PTPA: variants seen among roughly 807,000 people sequenced by gnomAD.
The protein encoded by PTPA is protein phosphatase 2 phosphatase activator.
PTPA carries 13 observed loss-of-function variants against 43.6 expected under a neutral mutation model. That is an observed-to-expected ratio of 0.30 (90% confidence interval 0.19 to 0.47). The LOEUF (loss-of-function observed/expected upper bound fraction) is 0.47. Ranked by LOEUF, PTPA falls within the 20% of genes least tolerant of loss-of-function variation. The pLI, the probability that PTPA is intolerant of heterozygous loss-of-function variation, is 0.99. For missense variants in PTPA, 329 were observed against 411.9 expected, an observed-to-expected ratio of 0.80 and a Z score of 1.74; for synonymous variants, 172 against 158.2, an observed-to-expected ratio of 1.09 and a Z score of -0.66.
chr9:129,125,038 C>T (rs1284731190), intron 3 of PTPA, among the ~76,000 whole-genome samples: 1 of 152,158 alleles, frequency 6.6e-6, no homozygotes, highest in African/African-American at 2.4e-5. Context: ...TGGGCTCACT[C>T]AGTCCTTTGG....
intron 4 of PTPA, among the ~76,000 whole-genome samples, chr9:129,129,788 A>G (rs1252621179): frequency 2.0e-5 from 3 of 152,248 alleles, no homozygotes; most frequent in East Asian, 1.9e-4. Context: ...AATTTTTTTC[A>G]TAGCTGGGCA....
chr9:129,126,249 A>G (rs1352523471), intron 3 of PTPA, among the ~76,000 whole-genome samples: 1 of 151,790 alleles, frequency 6.6e-6, no homozygotes, highest in Non-Finnish European at 1.5e-5. Context: ...GCTGGAGTTC[A>G]ATGGTACGAT....
intron 5 of PTPA, 76 bp from the exon 6 acceptor site, chr9:129,134,719 T>A: frequency 8.3e-7 from 1 of 1,211,742 alleles, no homozygotes; most frequent in Non-Finnish European, 1.2e-6. Flanking sequence ...TATCAATGAT[T>A]CGGATTCTGG....
In PTPA at chr9:129,147,773, G is replaced by A. The variant is rs914316099; in HGVS notation, c.*309G>A. 1.4e-5 allele frequency: 5 copies of A among 367,266 alleles called. No homozygotes were observed. The highest frequency in any genetic ancestry group is 8.7e-4 in the Middle Eastern group (1 of 1,144). The allele number at this position is 367,266 out of a possible 1,614,324, so 22.8% of individuals were successfully genotyped here. On this transcript the variant is annotated 3_prime_UTR_variant, in exon 10 of 10. Transcript: ENST00000393370. The stretch of plus-strand genomic sequence containing the variant: ...TCTGGCCTCTTCTCCCTTCACTCCC[G>A]TCCAGTCTGGTTTTGAGAGCAGGGG...
Position 129,117,364 on chromosome 9 carries a change from A to T in PTPA, c.32-3149A>T, listed in dbSNP as rs530287494. ...GCCTGGCCTAGATTTTATTCATTTT[A>T]TAAGCTATGAAAATTTTTATTATGT... On this transcript the variant is annotated intron_variant, in intron 1 of 9. Transcript: ENST00000393370. Among the ~76,000 whole-genome samples, 18 of 152,064 alleles carry T rather than the reference A, an allele frequency of 1.2e-4. No individual in the cohort carries two copies. In the South Asian group the frequency reaches 3.7e-3, roughly 31 times the overall value.
At chr9:129,141,361 G>A (rs971879765) in intron 8 of PTPA, among the ~76,000 whole-genome samples, 2 of 151,988 alleles carry the variant, frequency 1.3e-5, no homozygotes, top group South Asian at 2.1e-4. Context: ...CCTGACACCC[G>A]CATGTTTCTA....
At chr9:129,130,612 C>T (rs1474283102) in intron 4 of PTPA, among the ~76,000 whole-genome samples, 3 of 152,186 alleles carry the variant, frequency 2.0e-5, no homozygotes, top group South Asian at 2.1e-4. Flanking sequence ...AGGCTGATCT[C>T]GAAATCCTGG....
At chr9:129,146,085 T>A (rs781759253) in intron 9 of PTPA, among the ~76,000 whole-genome samples, 1 of 148,758 alleles carries the variant, frequency 6.7e-6, no homozygotes, top group Non-Finnish European at 1.5e-5. Flanking sequence ...TTTGACCCCT[T>A]CTGGAATTCC....
At chr9:129,128,194 A>G (rs567812084) in intron 3 of PTPA, 4 of 460,080 alleles carry the variant, frequency 8.7e-6, no homozygotes, top group African/African-American at 4.1e-5. Context: ...CCACCATGCT[A>G]AACCATGTAA....
chr9:129,143,029 C>T (rs1252004478), intron 9 of PTPA: 4 of 955,602 alleles, frequency 4.2e-6, no homozygotes, highest in Non-Finnish European at 4.5e-6. Flanking sequence ...CGAGAATTGG[C>T]ATTTTTATGG....
intron 5 of PTPA, among the ~76,000 whole-genome samples, chr9:129,132,422 C>T (rs997950409): frequency 6.6e-5 from 10 of 152,092 alleles, no homozygotes; most frequent in Non-Finnish European, 1.5e-4. Flanking sequence ...CTTGACCTCC[C>T]GGGCCCAAGT....
At chr9:129,111,281 C>A (rs1848450712), upstream of PTPA, 5 of 1,210,600 alleles carry the variant, frequency 4.1e-6, no homozygotes, top group South Asian at 5.5e-5. Context: ...TTCGGGCGGC[C>A]GTGAGCGGTC....
chr9:129,140,600 C>T (rs1270692513), intron 8 of PTPA, among the ~76,000 whole-genome samples: 1 of 152,218 alleles, frequency 6.6e-6, no homozygotes, highest in Non-Finnish European at 1.5e-5. Context: ...CATCTGCCTG[C>T]CTTTGCCTCG....
In PTPA at chr9:129,127,862, CCAAA is replaced by C. The variant is rs1171063736; in HGVS notation, c.217-1120_217-1117del. On this transcript the variant is annotated intron_variant, in intron 3 of 9. Coordinates refer to ENST00000393370, the MANE Select transcript of PTPA (RefSeq NM_178000.3). ...AGGTAGTGAAACAGGTGGAAATAACCCAAACATTTAACAGTGAGGAATTAAATTA... is the reference window on the plus strand; with the variant it reads ...AGGTAGTGAAACAGGTGGAAATAACCCATTTAACAGTGAGGAATTAAATTA... 6 of 794,280 alleles carry C rather than the reference CCAAA, an allele frequency of 7.6e-6. No homozygotes were observed. In the East Asian group the frequency reaches 3.9e-4, roughly 52 times the overall value. The allele number at this position is 794,280 out of a possible 1,614,324, so 49.2% of individuals were successfully genotyped here. A position where few individuals can be genotyped will look rare whatever the true frequency, so the allele number is the denominator to read the frequency against.
chr9:129,111,429 C>T lies in PTPA; in HGVS notation c.-172C>T. 1.6e-6 allele frequency: 2 copies of T among 1,250,874 alleles called. No individual in the cohort carries two copies. The highest frequency in any genetic ancestry group is 3.2e-5 in the East Asian group (1 of 31,652). The allele number at this position is 1,250,874 out of a possible 1,614,324, so 77.5% of individuals were successfully genotyped here. A position where few individuals can be genotyped will look rare whatever the true frequency, so the allele number is the denominator to read the frequency against. ...GAGCGCCCCGCACCGACATGGCGGC[C>T]GTCTTCGCTGTGGTGACTTTAACTC... On this transcript the variant is annotated 5_prime_UTR_variant, in exon 1 of 10. Transcript: ENST00000393370.
At position 129,148,270 on chromosome 9, in the gene PTPA, T is replaced by G. The variant is rs1002653735; in HGVS notation, c.*806T>G. On this transcript the variant is annotated 3_prime_UTR_variant, in exon 10 of 10. Transcript: ENST00000393370. ...GGGGTGAGGCATGTCTTTCCAGAAC[T>G]TTCCCTGGCAGGGAGGGGATGGCAG... 1 of 152,432 alleles carries G rather than the reference T, an allele frequency of 6.6e-6. No individual in the cohort carries two copies. The highest frequency in any genetic ancestry group is 1.5e-5 in the Non-Finnish European group (1 of 68,184). 9.4% of individuals were successfully genotyped at this position (152,432 alleles called of 1,614,324 possible).
At chr9:129,116,121 A>G (rs1271635504) in intron 1 of PTPA, among the ~76,000 whole-genome samples, 2 of 142,768 alleles carry the variant, frequency 1.4e-5, no homozygotes, top group African/African-American at 2.6e-5. Context: ...CCTGGGTTCA[A>G]GCGATTCTGC....
At position 129,111,575 on chromosome 9, in the gene PTPA, C is replaced by T. The variant is rs552566278; in HGVS notation, c.-26C>T. ...AAAGGCGAGAGGGGACTGCAAGCAT[C>T]CGGGTCGGCTCCTGGCCGGAGCAAG... is the stretch of plus-strand genomic sequence containing the variant. On this transcript the variant is annotated 5_prime_UTR_variant, in exon 1 of 10. Transcript: ENST00000393370. 1.7e-5 allele frequency: 22 copies of T among 1,292,384 alleles called. No individual in the cohort carries two copies. The highest frequency in any genetic ancestry group is 3.1e-5 in the African/African-American group (2 of 64,972). The allele number at this position is 1,292,384 out of a possible 1,614,324, so 80.1% of individuals were successfully genotyped here.
chr9:129,119,786 G>T (rs919431622), intron 1 of PTPA: 1 of 152,176 alleles, frequency 6.6e-6, no homozygotes. Flanking sequence ...GTTCTGCTCT[G>T]GGGGGGAGAG....
Sources: gnomAD v4.1 joint callset for allele counts (sites outside exome capture counted in the v4.1 genomes callset) on GRCh38, gnomAD v4.1.1 for gene constraint, MANE v1.5 for transcripts, NCBI Gene and HGNC (gene_info 2026-07-23, HGNC 2026-07-21) for gene names.